THRB: variants seen among roughly 807,000 people sequenced by gnomAD.
THRB encodes the protein nuclear receptor subfamily 1 group A member 2.
In THRB, 12 loss-of-function variants were observed where a neutral mutation model predicts 47.8. The ratio of observed to expected loss-of-function variants is 0.25; its 90% CI spans 0.16 to 0.41. The LOEUF (loss-of-function observed/expected upper bound fraction) is 0.41, where lower values mean the gene tolerates loss of function less well. Among genes scored for constraint, THRB ranks in the 10% least tolerant of loss-of-function variants. THRB has a pLI of 1.00. For missense variants in THRB, 348 were observed against 589.2 expected (o/e 0.59, Z 4.24); for synonymous variants, 218 against 212.2 (o/e 1.03, Z -0.24).
At chr3:24,151,801 G>A (rs886106661) in intron 6 of THRB, among the ~76,000 whole-genome samples, 1 of 152,174 alleles carries the variant, frequency 6.6e-6, no homozygotes, top group Non-Finnish European at 1.5e-5. Flanking sequence ...CTGCAGATAG[G>A]ACTGTACAGC....
chr3:24,411,946 C>A (rs1432057905), intron 1 of THRB, among the ~76,000 whole-genome samples: 1 of 151,684 alleles, frequency 6.6e-6, no homozygotes, highest in Non-Finnish European at 1.5e-5. Context: ...GAAATCAGCA[C>A]CCTGAAAGAG....
At chr3:24,256,412 G>C (rs2051287038) in intron 3 of THRB, among the ~76,000 whole-genome samples, 1 of 152,126 alleles carries the variant, frequency 6.6e-6, no homozygotes, top group Non-Finnish European at 1.5e-5. Flanking sequence ...CAGAAGTTTG[G>C]CTGGAAAGAG....
chr3:24,279,278 T>C (rs1377721223), intron 3 of THRB, among the ~76,000 whole-genome samples: 1 of 152,186 alleles, frequency 6.6e-6, no homozygotes, highest in Admixed American at 6.5e-5. Context: ...AAACATCTAA[T>C]ATTGAAAAAC....
chr3:24,493,454 A>AT (rs762556708), intron 1 of THRB, among the ~76,000 whole-genome samples: 1 of 152,258 alleles, frequency 6.6e-6, no homozygotes, highest in Non-Finnish European at 1.5e-5. Context: ...TGTGCTTGAT[A>AT]TTAATACACT....
intron 1 of THRB, among the ~76,000 whole-genome samples, chr3:24,356,040 C>T (rs983234805): frequency 1.3e-5 from 2 of 152,098 alleles, no homozygotes; most frequent in African/African-American, 2.4e-5. Context: ...AGCTGTGAAC[C>T]TGTGAAACCA....
chr3:24,157,237 G>A (rs914380381), intron 5 of THRB, among the ~76,000 whole-genome samples: 5 of 152,084 alleles, frequency 3.3e-5, no homozygotes, highest in African/African-American at 1.2e-4. Context: ...TTGGAGTCTT[G>A]GAGTCTCTTT....
At chr3:24,355,879 T>C (rs762759341) in intron 1 of THRB, among the ~76,000 whole-genome samples, 1 of 152,188 alleles carries the variant, frequency 6.6e-6, no homozygotes, top group Admixed American at 6.5e-5. Context: ...ATTAGCTATA[T>C]GAAAAATACC....
chr3:24,263,585 A>T (rs1315761588), intron 3 of THRB, among the ~76,000 whole-genome samples: 1 of 150,512 alleles, frequency 6.6e-6, no homozygotes, highest in East Asian at 1.9e-4. Flanking sequence ...GACACACTAG[A>T]TAGTAAACTT....
At chr3:24,176,994 C>G (rs1391521691) in intron 5 of THRB, among the ~76,000 whole-genome samples, 1 of 152,086 alleles carries the variant, frequency 6.6e-6, no homozygotes, top group Non-Finnish European at 1.5e-5. Context: ...CTACAAACAG[C>G]TTGAGTTAAT....
intron 1 of THRB, among the ~76,000 whole-genome samples, chr3:24,373,347 T>A (rs773877399): frequency 1.3e-5 from 2 of 152,260 alleles, no homozygotes; most frequent in Middle Eastern, 3.4e-3. Flanking sequence ...GCAGGCCCTT[T>A]AACCCCAGTC....
chr3:24,186,519 C>A (rs1385254394), intron 5 of THRB, among the ~76,000 whole-genome samples: 1 of 152,174 alleles, frequency 6.6e-6, no homozygotes, highest in Non-Finnish European at 1.5e-5. Context: ...GCAGATTCAA[C>A]AGAGATCTGT....
At chr3:24,269,871 C>T (rs1222327015) in intron 3 of THRB, among the ~76,000 whole-genome samples, 2 of 152,122 alleles carry the variant, frequency 1.3e-5, no homozygotes, top group African/African-American at 4.8e-5. Context: ...TAAATTTTGA[C>T]ATGTACCTTT....
At chr3:24,340,315 C>CCTCCTCCTTCTCCTT (rs1330405648) in intron 1 of THRB, among the ~76,000 whole-genome samples, 2 of 151,682 alleles carry the variant, frequency 1.3e-5, no homozygotes, top group Non-Finnish European at 2.9e-5. Flanking sequence ...AAAATTAATT[C>CCTCCTCCTTCTCCTT]CTCCTCCTTC....
At chr3:24,474,050 G>A (rs1196383250) in intron 1 of THRB, among the ~76,000 whole-genome samples, 1 of 152,124 alleles carries the variant, frequency 6.6e-6, no homozygotes, top group Non-Finnish European at 1.5e-5. Flanking sequence ...CATGCCACGT[G>A]TATACCTATG....
chr3:24,495,555 T>C (rs1470487425), upstream of THRB: 1 of 152,396 alleles, frequency 6.6e-6, no homozygotes, highest in Non-Finnish European at 1.5e-5. Context: ...GTGGGTTTGG[T>C]GGCCGCGCGT....
intron 5 of THRB, among the ~76,000 whole-genome samples, chr3:24,179,031 A>G (rs1325279030): frequency 6.6e-5 from 10 of 152,208 alleles, no homozygotes; most frequent in Admixed American, 6.5e-4. Flanking sequence ...GAGATAAAAA[A>G]TAAATAAATA....
At chr3:24,360,223 G>A (rs2063966851) in intron 1 of THRB, among the ~76,000 whole-genome samples, 2 of 152,118 alleles carry the variant, frequency 1.3e-5, no homozygotes, top group African/African-American at 4.8e-5. Flanking sequence ...CTCCAAGGGT[G>A]GGAATTGTTA....
At chr3:24,175,213 T>C (rs921627690) in intron 5 of THRB, among the ~76,000 whole-genome samples, 8 of 152,170 alleles carry the variant, frequency 5.3e-5, no homozygotes, top group Non-Finnish European at 8.8e-5. Context: ...TTGTTCCATT[T>C]AAGTTTTCAA....
intron 1 of THRB, among the ~76,000 whole-genome samples, chr3:24,417,626 C>T (rs1386900285): frequency 6.6e-6 from 1 of 151,814 alleles, no homozygotes; most frequent in Non-Finnish European, 1.5e-5. Flanking sequence ...GCAACTGAGC[C>T]TTGGTGAACT....
Sources: gnomAD v4.1 joint callset for allele counts (sites outside exome capture counted in the v4.1 genomes callset) on GRCh38, gnomAD v4.1.1 for gene constraint, MANE v1.5 for transcripts, NCBI Gene and HGNC (gene_info 2026-07-23, HGNC 2026-07-21) for gene names.